The following GRIK1 variants were observed in gnomAD, a reference collection of about 807,000 sequenced individuals.
GRIK1 encodes glutamate receptor ionotropic, kainate 1.
In GRIK1, 69 loss-of-function variants were observed where a neutral mutation model predicts 105.7. That is an observed-to-expected ratio of 0.65 (90% CI 0.54 to 0.80). GRIK1 has a LOEUF of 0.80. Among genes scored for constraint, GRIK1 ranks in the 30% least tolerant of loss-of-function variants. The pLI, the probability that GRIK1 is intolerant of heterozygous loss-of-function variation, is 0.00. For synonymous variants in GRIK1, 438 were observed against 431.3 expected, an observed-to-expected ratio of 1.02 and a Z score of -0.19; for missense variants, 1,109 against 1,167.3, an observed-to-expected ratio of 0.95 and a Z score of 0.73.
At chr21:29,620,349 C>A (rs1246772432) in intron 7 of GRIK1, among the ~76,000 whole-genome samples, 2 of 152,256 alleles carry the variant, frequency 1.3e-5, no homozygotes, top group South Asian at 4.1e-4. Context: ...GCAAGGTTTA[C>A]AGCAGTTTTA....
Position 29,781,950 on chromosome 21 carries a change from G to A in GRIK1, c.119-87887C>T, listed in dbSNP as rs546846791. Among the ~76,000 whole-genome samples, 280 of 151,044 alleles carry A rather than the reference G, an allele frequency of 1.9e-3. 1 individual carries two copies. Among genetic ancestry groups the A allele is most frequent in the Non-Finnish European group, 1.1e-3 (75 of 67,686 alleles). On this transcript the variant is annotated intron_variant, in intron 1 of 17. Coordinates refer to ENST00000327783, the MANE Select transcript of GRIK1 (RefSeq NM_001330994.2). ...CTCCCAAAGTGCTGGGATTACAGGC[G>A]TGAGCCACCGCGCCCGGCCTAACCT...
intron 3 of GRIK1, among the ~76,000 whole-genome samples, chr21:29,678,897 G>C (rs561763869): frequency 1.3e-5 from 2 of 152,276 alleles, no homozygotes; most frequent in South Asian, 2.1e-4. Context: ...GATTTTCTTT[G>C]AGTCCAAACT....
At chr21:29,845,094 A>C (rs968732208) in intron 1 of GRIK1, among the ~76,000 whole-genome samples, 2 of 152,164 alleles carry the variant, frequency 1.3e-5, no homozygotes, top group African/African-American at 2.4e-5. Flanking sequence ...CTTCACTAGA[A>C]TATGTTTATG....
At chr21:29,711,232 A>G (rs1470260487) in intron 1 of GRIK1, among the ~76,000 whole-genome samples, 1 of 152,150 alleles carries the variant, frequency 6.6e-6, no homozygotes, top group Non-Finnish European at 1.5e-5. Context: ...AGGTTATCCT[A>G]TAGGATTATA....
chr21:29,751,147 C>A (rs1354970977), intron 1 of GRIK1, among the ~76,000 whole-genome samples: 1 of 152,168 alleles, frequency 6.6e-6, no homozygotes, highest in East Asian at 1.9e-4. Flanking sequence ...TTTTGTGATT[C>A]TTCAGTTACT....
At chr21:29,827,670 A>G (rs2067499559) in intron 1 of GRIK1, among the ~76,000 whole-genome samples, 1 of 152,246 alleles carries the variant, frequency 6.6e-6, no homozygotes, top group African/African-American at 2.4e-5. Flanking sequence ...AGGACATATG[A>G]GAAAAAATCT....
rs1491373479 is a variant in GRIK1, at chr21:29,560,400, C to CCTTCCTTCCTTCCTTCCTTCCTTT, written c.2356+1223_2356+1224insAAAGGAAGGAAGGAAGGAAGGAAG. Among the ~76,000 whole-genome samples the CCTTCCTTCCTTCCTTCCTTCCTTT allele has an allele frequency of 8.9e-5, 6 of 67,120 alleles. No homozygotes were observed. In the East Asian group the frequency reaches 1.7e-3, roughly 19 times the overall value. The allele number at this position is 67,120 out of a possible 152,430, so 44.0% of individuals were successfully genotyped here. On this transcript the variant is annotated intron_variant, in intron 15 of 17. Transcript: ENST00000327783. ...TCCTTCCTTCCTTCCTTCCTTCCTT[C>CCTTCCTTCCTTCCTTCCTTCCTTT]CTTTCTTTCTTTCTTTCTTTCTTTC...
At chr21:29,823,510 G>T (rs539311143) in intron 1 of GRIK1, among the ~76,000 whole-genome samples, 2 of 151,936 alleles carry the variant, frequency 1.3e-5, no homozygotes, top group South Asian at 4.2e-4. Flanking sequence ...CAAATTTGAA[G>T]CTCATGTTTC....
chr21:29,882,321 C>T (rs766634), intron 1 of GRIK1, among the ~76,000 whole-genome samples: 1 of 152,014 alleles, frequency 6.6e-6, no homozygotes, highest in Non-Finnish European at 1.5e-5. Flanking sequence ...TTGGCCCATA[C>T]TTAATGTATT....
intron 1 of GRIK1, among the ~76,000 whole-genome samples, chr21:29,695,401 G>A (rs550944239): frequency 1.3e-5 from 2 of 152,134 alleles, no homozygotes; most frequent in African/African-American, 4.8e-5. Context: ...CTAAACACTT[G>A]TAACTTGCAG....
At chr21:29,850,925 G>A (rs922919584) in intron 1 of GRIK1, among the ~76,000 whole-genome samples, 4 of 152,158 alleles carry the variant, frequency 2.6e-5, no homozygotes, top group African/African-American at 7.2e-5. Flanking sequence ...TTTTACTTAC[G>A]ATATTAACAC....
chr21:29,828,359 G>A (rs185834757), intron 1 of GRIK1, among the ~76,000 whole-genome samples: 15 of 151,864 alleles, frequency 9.9e-5, no homozygotes, highest in Non-Finnish European at 2.1e-4. Flanking sequence ...ATAAGCCTAT[G>A]TTTTAAGTAG....
At chr21:29,756,926 C>G (rs546270571) in intron 1 of GRIK1, among the ~76,000 whole-genome samples, 1 of 151,960 alleles carries the variant, frequency 6.6e-6, no homozygotes, top group Non-Finnish European at 1.5e-5. Flanking sequence ...CCAGCCTGGC[C>G]AACATGGTGA....
At chr21:29,842,998 T>C (rs1466753745) in intron 1 of GRIK1, among the ~76,000 whole-genome samples, 2 of 152,214 alleles carry the variant, frequency 1.3e-5, no homozygotes, top group Non-Finnish European at 2.9e-5. Context: ...GACTCTACAA[T>C]CCAATTATTT....
At chr21:29,830,324 C>CAA (rs1569139558) in intron 1 of GRIK1, among the ~76,000 whole-genome samples, 1 of 121,400 alleles carries the variant, frequency 8.2e-6, no homozygotes, top group African/African-American at 2.8e-5. Flanking sequence ...CACACACACA[C>CAA]ACACACACAC....
At chr21:29,620,748 GT>G (rs2061965399) in intron 7 of GRIK1, among the ~76,000 whole-genome samples, 1 of 136,824 alleles carries the variant, frequency 7.3e-6, no homozygotes, top group South Asian at 2.3e-4. Flanking sequence ...TCTAGTCTAA[GT>G]TACATAAATG....
At chr21:29,683,596 G>T (rs2063423556) in intron 3 of GRIK1, among the ~76,000 whole-genome samples, 1 of 152,136 alleles carries the variant, frequency 6.6e-6, no homozygotes, top group Non-Finnish European at 1.5e-5. Context: ...ACATAAAGAT[G>T]GGAAGAACAG....
intron 7 of GRIK1, among the ~76,000 whole-genome samples, chr21:29,615,129 G>C (rs2061819047): frequency 6.6e-6 from 1 of 151,470 alleles, no homozygotes; most frequent in African/African-American, 2.4e-5. Flanking sequence ...GGAATGCATA[G>C]TTTTTTTCTT....
intron 16 of GRIK1, among the ~76,000 whole-genome samples, chr21:29,542,169 T>C (rs183221446): frequency 5.8e-4 from 89 of 152,322 alleles, no homozygotes; most frequent in Middle Eastern, 6.8e-3. Flanking sequence ...TGCTTGTTTA[T>C]TTCAGTTTTG....
Sources: gnomAD v4.1 joint callset for allele counts (sites outside exome capture counted in the v4.1 genomes callset) on GRCh38, gnomAD v4.1.1 for gene constraint, MANE v1.5 for transcripts, NCBI Gene and HGNC (gene_info 2026-07-23, HGNC 2026-07-21) for gene names.